The following AKT3 variants were observed in gnomAD, a reference collection of about 807,000 sequenced individuals.
AKT3 encodes the protein RAC-gamma serine/threonine-protein kinase.
In AKT3, 15 loss-of-function variants were observed where a neutral mutation model predicts 65.3. The ratio of observed to expected loss-of-function variants is 0.23; its 90% CI spans 0.15 to 0.35. The LOEUF (loss-of-function observed/expected upper bound fraction) is 0.35. Ranked by LOEUF, AKT3 falls within the 10% of genes least tolerant of loss-of-function variation. AKT3 has a pLI of 1.00. For synonymous variants in AKT3, 206 were observed against 183.8 expected (o/e 1.12, Z -0.98); for missense variants, 243 against 576.5 (o/e 0.42, Z 5.92).
In AKT3 at chr1:243,773,148, G is replaced by T. The variant is rs558284101; in HGVS notation, c.46+69977C>A. Among the ~76,000 whole-genome samples the T allele has an allele frequency of 3.3e-4, 49 of 150,346 alleles. 1 individual carries two copies. The East Asian group carries it at 9.6e-3, about 29-fold the overall frequency. ...ACATGTATACATATGTAACAAACCT[G>T]CACGTTGTGCACATGTACCCTAGAA... is the stretch of plus-strand genomic sequence containing the variant. On this transcript the variant is annotated intron_variant, in intron 2 of 13. Transcript: ENST00000673466.
At chr1:243,777,147 G>A (rs558385297) in intron 2 of AKT3, among the ~76,000 whole-genome samples, 33 of 152,300 alleles carry the variant, frequency 2.2e-4, no homozygotes, top group African/African-American at 7.5e-4. Context: ...CATGGGATTG[G>A]GGGGAGACGG....
chr1:243,809,833 T>C (rs372557945), intron 2 of AKT3, among the ~76,000 whole-genome samples: 1 of 152,070 alleles, frequency 6.6e-6, no homozygotes, highest in African/African-American at 2.4e-5. Context: ...AACAAACTGT[T>C]TCTCAGACCA....
chr1:243,734,899 T>G (rs1687759395), intron 2 of AKT3: 1 of 151,032 alleles, frequency 6.6e-6, no homozygotes. Flanking sequence ...CTACTTAAAT[T>G]TTTTTTACCT....
intron 12 of AKT3, among the ~76,000 whole-genome samples, chr1:243,518,438 A>C (rs1670503521): frequency 6.6e-6 from 1 of 152,194 alleles, no homozygotes; most frequent in Admixed American, 6.5e-5. Flanking sequence ...CAGACTGGCC[A>C]ACATGGTGAA....
intron 8 of AKT3, among the ~76,000 whole-genome samples, chr1:243,584,916 G>A (rs1412724973): frequency 2.0e-5 from 3 of 151,958 alleles, no homozygotes; most frequent in East Asian, 3.9e-4. Context: ...TCAGGTAAAA[G>A]AAAGAAATAA....
intron 9 of AKT3, among the ~76,000 whole-genome samples, chr1:243,566,099 A>G (rs1480120402): frequency 6.6e-6 from 1 of 152,218 alleles, no homozygotes; most frequent in Non-Finnish European, 1.5e-5. Flanking sequence ...GACAGGATGC[A>G]CTATTTCTCC....
In AKT3 at chr1:243,695,647, T is replaced by C. The variant is rs1281393478; in HGVS notation, c.116A>G (p.Lys39Arg). Reference protein sequence around the residue: ...LKTDGSFIGYKEKPQDVDLPY... With the variant: ...LKTDGSFIGYREKPQDVDLPY... Reference sequence around the variant, plus strand: ...TAAATCCACATCTTGAGGTTTCTCTTTATATCCTATGAATGAGCCATCTGT... The same window carrying C: ...TAAATCCACATCTTGAGGTTTCTCTCTATATCCTATGAATGAGCCATCTGT... Residue 39 changes from lysine (K) to arginine (R), a missense_variant, in exon 3 of 14, where the codon AAA becomes AGA. Lys to Arg is a conservative substitution (Grantham distance 26). Around this residue, in one of 6 missense-constraint regions of AKT3, gnomAD observed 29 missense variants for 91.3 expected, o/e 0.32. Transcript: ENST00000673466. The C allele has an allele frequency of 6.2e-7, 1 of 1,608,732 alleles. No homozygotes were observed. Among genetic ancestry groups the C allele is most frequent in the Non-Finnish European group, 8.5e-7 (1 of 1,176,762 alleles).
intron 2 of AKT3, among the ~76,000 whole-genome samples, chr1:243,820,339 G>A (rs889281720): frequency 2.0e-5 from 3 of 152,174 alleles, no homozygotes; most frequent in Non-Finnish European, 4.4e-5. Context: ...AACCCATGAA[G>A]ATAAGAAAGA....
intron 2 of AKT3, among the ~76,000 whole-genome samples, chr1:243,773,317 G>A (rs561660015): frequency 6.6e-6 from 1 of 151,972 alleles, no homozygotes. Flanking sequence ...CACCGAGTAT[G>A]AGTAAAACAG....
chr1:243,660,545 T>C (rs1373826612), intron 4 of AKT3, among the ~76,000 whole-genome samples: 1 of 152,208 alleles, frequency 6.6e-6, no homozygotes, highest in East Asian at 1.9e-4. Context: ...AAATTAGGTA[T>C]TGATGGGATG....
At chr1:243,819,919 GTTTT>G (rs1272061497) in intron 2 of AKT3, among the ~76,000 whole-genome samples, 1 of 151,540 alleles carries the variant, frequency 6.6e-6, no homozygotes, top group Non-Finnish European at 1.5e-5. Flanking sequence ...AGAGGGGCCT[GTTTT>G]TTTGTTTTGT....
At chr1:243,850,799 A>T (rs1253734890), upstream of AKT3, among the ~76,000 whole-genome samples, 1 of 150,448 alleles carries the variant, frequency 6.6e-6, no homozygotes, top group Non-Finnish European at 1.5e-5. Flanking sequence ...TCGCGAGAAC[A>T]TCCCCCTAGC....
chr1:243,587,042 G>T (rs1675863138), intron 8 of AKT3, among the ~76,000 whole-genome samples: 1 of 151,818 alleles, frequency 6.6e-6, no homozygotes, highest in Admixed American at 6.6e-5. Flanking sequence ...CAAAAAATTG[G>T]GTAAAGGTAC....
At chr1:243,572,151 A>G (rs1215596497) in intron 9 of AKT3, among the ~76,000 whole-genome samples, 1 of 152,214 alleles carries the variant, frequency 6.6e-6, no homozygotes, top group African/African-American at 2.4e-5. Flanking sequence ...TAACACTGTC[A>G]TGAGAATTAC....
intron 2 of AKT3, among the ~76,000 whole-genome samples, chr1:243,737,395 C>T (rs1345147575): frequency 6.6e-6 from 1 of 152,122 alleles, no homozygotes; most frequent in Non-Finnish European, 1.5e-5. Flanking sequence ...CTCCTAAATC[C>T]AGGTTAGGAG....
At chr1:243,702,498 A>T (rs571673851) in intron 2 of AKT3, among the ~76,000 whole-genome samples, 53 of 152,318 alleles carry the variant, frequency 3.5e-4, no homozygotes, top group Non-Finnish European at 6.9e-4. Context: ...TAATGTAAAA[A>T]GCCCTTAGAA....
intron 9 of AKT3, among the ~76,000 whole-genome samples, chr1:243,567,445 G>A (rs572705836): frequency 5.4e-5 from 8 of 148,398 alleles, no homozygotes; most frequent in African/African-American, 9.9e-5. Context: ...GTACACAGGC[G>A]CACACCACTA....
At chr1:243,723,927 A>G (rs1687062934) in intron 2 of AKT3, among the ~76,000 whole-genome samples, 1 of 152,182 alleles carries the variant, frequency 6.6e-6, no homozygotes, top group Non-Finnish European at 1.5e-5. Context: ...GGGGAAAAAA[A>G]GGTGTTTTCA....
At position 243,501,120 on chromosome 1, in the gene AKT3, C is replaced by T. The variant is rs1669258917; in HGVS notation, c.*4129G>A. The T allele has an allele frequency of 4.3e-6, 1 of 231,456 alleles. No homozygotes were observed. The highest frequency in any genetic ancestry group is 8.5e-6 in the Non-Finnish European group (1 of 117,058). 14.3% of individuals were successfully genotyped at this position (231,456 alleles called of 1,614,324 possible). A position where few individuals can be genotyped will look rare whatever the true frequency, so the allele number is the denominator to read the frequency against. Reference sequence around the variant, plus strand: ...CATACACATACATGCTTGACTCACTCTGGTCCCAAAAGCCATTCCTCTGTC... The same window carrying T: ...CATACACATACATGCTTGACTCACTTTGGTCCCAAAAGCCATTCCTCTGTC... On this transcript the variant is annotated 3_prime_UTR_variant, in exon 14 of 14. Coordinates refer to ENST00000673466, the MANE Select transcript of AKT3 (RefSeq NM_005465.7).
Sources: allele counts gnomAD v4.1 joint callset (sites outside exome capture counted in the v4.1 genomes callset), GRCh38; gene constraint gnomAD v4.1.1; regional missense constraint gnomAD v4.1.1; transcripts MANE v1.5; gene names NCBI Gene and HGNC (gene_info 2026-07-23, HGNC 2026-07-21).